Variants in USP4 observed in about 807,000 individuals in gnomAD.
The protein encoded by USP4 is ubiquitin carboxyl-terminal hydrolase 4.
Under a neutral mutation model 118.2 loss-of-function variants are expected in USP4, and 72 were observed. That is an observed-to-expected ratio of 0.61 (90% confidence interval 0.50 to 0.74). USP4 has a LOEUF of 0.74. Ranked by LOEUF, USP4 falls within the 30% of genes least tolerant of loss-of-function variation. The pLI is 0.00. For synonymous variants in USP4, 415 were observed against 440.4 expected, an observed-to-expected ratio of 0.94 and a Z score of 0.72; for missense variants, 1,037 against 1,185.7, an observed-to-expected ratio of 0.87 and a Z score of 1.84.
At chr3:49,302,161 G>GACA in intron 10 of USP4, among the ~76,000 whole-genome samples, 1 of 140,220 alleles carries the variant, frequency 7.1e-6, no homozygotes, top group East Asian at 2.1e-4. Flanking sequence ...GACCAGCCTA[G>GACA]ACAACACAGC....
At chr3:49,319,451 A>T (rs2047476782) in intron 6 of USP4, among the ~76,000 whole-genome samples, 1 of 151,884 alleles carries the variant, frequency 6.6e-6, no homozygotes, top group South Asian at 2.1e-4. Flanking sequence ...GGGTTTCACC[A>T]TATTGGCCCA....
chr3:49,308,868 C>A (rs953104026), intron 8 of USP4, among the ~76,000 whole-genome samples: 1 of 151,256 alleles, frequency 6.6e-6, no homozygotes, highest in Non-Finnish European at 1.5e-5. Flanking sequence ...CCTGTCTCTA[C>A]TAAAAATACA....
At chr3:49,294,620 G>A in intron 13 of USP4, 22 bp from the exon 14 acceptor site, 1 of 1,605,018 alleles carries the variant, frequency 6.2e-7, no homozygotes, top group South Asian at 1.1e-5. Flanking sequence ...ACACAAGAGG[G>A]CACTTTTAGC....
At chr3:49,339,141 C>A (rs1190334893) in intron 1 of USP4, among the ~76,000 whole-genome samples, 1 of 152,160 alleles carries the variant, frequency 6.6e-6, no homozygotes, top group East Asian at 1.9e-4. Context: ...GAGTGAAACT[C>A]CATCTCAAAA....
chr3:49,291,650 T>C (rs956064807), intron 15 of USP4, among the ~76,000 whole-genome samples: 1 of 151,334 alleles, frequency 6.6e-6, no homozygotes, highest in African/African-American at 2.4e-5. Context: ...ATATATGGTT[T>C]TACAGAAAGC....
In USP4 at chr3:49,317,546, T is replaced by G. The variant is rs550370785; in HGVS notation, c.696-5892A>C. Reference sequence around the variant, plus strand: ...TGTTTTGTTTTTTGTTTGTTTGTTTTTTTTTTTTTTTTGAGACAACAGTCT... The same window carrying G: ...TGTTTTGTTTTTTGTTTGTTTGTTTGTTTTTTTTTTTTGAGACAACAGTCT... On this transcript the variant is annotated intron_variant, in intron 6 of 21. Transcript: ENST00000265560. The G allele has an allele frequency of 1.5e-3, 822 of 544,720 alleles. 3 individuals carry two copies. Among genetic ancestry groups the G allele is most frequent in the African/African-American group, 7.3e-3 (378 of 51,512 alleles). The allele number at this position is 544,720 out of a possible 1,614,324, so 33.7% of individuals were successfully genotyped here.
At chr3:49,325,651 C>T in intron 4 of USP4, 68 bp downstream of exon 4, 1 of 1,584,334 alleles carries the variant, frequency 6.3e-7, no homozygotes, top group South Asian at 1.1e-5. Context: ...ATGCCCTCTT[C>T]CCTCCCATCA....
chr3:49,290,981 T>C (rs539181578), intron 15 of USP4, among the ~76,000 whole-genome samples: 2 of 152,000 alleles, frequency 1.3e-5, no homozygotes, highest in Admixed American at 6.5e-5. Context: ...CTACGCTTTT[T>C]TTTTGGAGAC....
intron 1 of USP4, among the ~76,000 whole-genome samples, chr3:49,336,656 G>T (rs1172054356): frequency 6.6e-6 from 1 of 151,858 alleles, no homozygotes; most frequent in Non-Finnish European, 1.5e-5. Flanking sequence ...TCCCGTAGCT[G>T]GGATTACAGG....
intron 3 of USP4, among the ~76,000 whole-genome samples, chr3:49,327,459 C>T (rs1223146257): frequency 6.6e-6 from 1 of 152,110 alleles, no homozygotes; most frequent in Non-Finnish European, 1.5e-5. Context: ...TCACTTGAAC[C>T]TGGGAGCCAG....
chr3:49,339,630 G>A (rs983669066), intron 1 of USP4, among the ~76,000 whole-genome samples: 1 of 152,130 alleles, frequency 6.6e-6, no homozygotes, highest in Non-Finnish European at 1.5e-5. Context: ...CATGGTAAAG[G>A]GCTCTCCCCA....
intron 2 of USP4, among the ~76,000 whole-genome samples, chr3:49,332,572 G>C (rs920559879): frequency 3.3e-5 from 5 of 152,098 alleles, no homozygotes; most frequent in African/African-American, 1.2e-4. Context: ...GTTTAGGCCA[G>C]GCACAGTAGC....
chr3:49,316,114 A>G (rs1231459888), intron 6 of USP4, among the ~76,000 whole-genome samples: 1 of 151,996 alleles, frequency 6.6e-6, no homozygotes, highest in Non-Finnish European at 1.5e-5. Context: ...AGGCAGGAGA[A>G]TCACTTGAAC....
At chr3:49,290,238 CA>C (rs2047138490) in intron 15 of USP4, among the ~76,000 whole-genome samples, 1 of 152,062 alleles carries the variant, frequency 6.6e-6, no homozygotes, top group Non-Finnish European at 1.5e-5. Flanking sequence ...ATGATGGAGA[CA>C]CCCCGTCTCT....
intron 8 of USP4, among the ~76,000 whole-genome samples, chr3:49,306,772 G>A (rs1044469328): frequency 3.9e-5 from 6 of 151,944 alleles, no homozygotes; most frequent in Middle Eastern, 3.4e-3. Flanking sequence ...CACCACAAGA[G>A]GAAAATAATT....
At chr3:49,306,933 C>T (rs1029414833) in intron 8 of USP4, among the ~76,000 whole-genome samples, 4 of 151,252 alleles carry the variant, frequency 2.6e-5, no homozygotes, top group Non-Finnish European at 5.9e-5. Flanking sequence ...TACAGGCATG[C>T]GCCACCACGC....
chr3:49,278,587 T>G, intron 21 of USP4, 136 bp from the exon 22 acceptor site: 1 of 1,109,088 alleles, frequency 9.0e-7, no homozygotes, highest in Non-Finnish European at 1.3e-6. Context: ...TGAGGATGGC[T>G]GCCCCTGCCA....
intron 3 of USP4, among the ~76,000 whole-genome samples, chr3:49,326,125 T>G (rs1356074512): frequency 6.6e-6 from 1 of 152,122 alleles, no homozygotes; most frequent in Non-Finnish European, 1.5e-5. Flanking sequence ...GAGACCAGCC[T>G]GACCAACATG....
rs767887190 is a variant in USP4, at chr3:49,325,049, G to A, written c.488-10C>T. 1 of 1,611,078 alleles carries A rather than the reference G, an allele frequency of 6.2e-7. No individual in the cohort carries two copies. Among genetic ancestry groups the A allele is most frequent in the Non-Finnish European group, 8.5e-7 (1 of 1,179,108 alleles). On this transcript the variant is annotated splice_polypyrimidine_tract_variant and intron_variant, in intron 4 of 21. Coordinates refer to ENST00000265560, the MANE Select transcript of USP4 (RefSeq NM_003363.4). The stretch of plus-strand genomic sequence containing the variant: ...TCTTTCTCGATGGTTGCTAGGAACA[G>A]GCAGAAATATCACTTGGGGCTTTGT...
Sources: gnomAD v4.1 joint callset for allele counts (sites outside exome capture counted in the v4.1 genomes callset) on GRCh38, gnomAD v4.1.1 for gene constraint, MANE v1.5 for transcripts, NCBI Gene and HGNC (gene_info 2026-07-23, HGNC 2026-07-21) for gene names.